BCKDHB: variants seen among roughly 807,000 people sequenced by gnomAD.
BCKDHB encodes 2-oxoisovalerate dehydrogenase subunit beta, mitochondrial.
A neutral mutation model predicts 48.5 loss-of-function variants in BCKDHB; 41 were observed. The observed-to-expected ratio is 0.85, with a 90% confidence interval of 0.66 to 1.10. The LOEUF is 1.10. Ranked by LOEUF, BCKDHB falls within the 50% of genes least tolerant of loss-of-function variation. The pLI, the probability that BCKDHB is intolerant of heterozygous loss-of-function variation, is 0.00. For synonymous variants in BCKDHB, 201 were observed against 174.8 expected (o/e 1.15, Z -1.18); for missense variants, 496 against 494.2 (o/e 1.00, Z -0.03).
intron 1 of BCKDHB, among the ~76,000 whole-genome samples, chr6:80,119,028 G>A (rs747036577): frequency 2.6e-5 from 4 of 152,200 alleles, no homozygotes; most frequent in East Asian, 1.9e-4. Flanking sequence ...GGTGGCTCAC[G>A]CGTGTAGTCC....
At chr6:80,184,144 A>G (rs1006177074) in intron 6 of BCKDHB, among the ~76,000 whole-genome samples, 1 of 152,252 alleles carries the variant, frequency 6.6e-6, no homozygotes, top group Admixed American at 6.5e-5. Flanking sequence ...TTAGATGCAT[A>G]TTATTTAGGA....
At chr6:80,364,544 C>G in the BCKDHB span, among the ~76,000 whole-genome samples, 1 of 152,172 alleles carries the variant, frequency 6.6e-6, no homozygotes, top group Non-Finnish European at 1.5e-5. Context: ...ATAAGTAAAA[C>G]GTATTCATTA....
intron 8 of BCKDHB, among the ~76,000 whole-genome samples, chr6:80,241,305 T>A (rs1477416057): frequency 2.6e-5 from 4 of 152,210 alleles, no homozygotes; most frequent in African/African-American, 9.6e-5. Flanking sequence ...GGTGAGGAGC[T>A]GCGATCCTTT....
At chr6:80,358,464 G>T in the BCKDHB span, among the ~76,000 whole-genome samples, 3 of 151,912 alleles carry the variant, frequency 2.0e-5, no homozygotes, top group Non-Finnish European at 4.4e-5. Context: ...GGTGATTGTC[G>T]ATTGTTTTTA....
the BCKDHB span, among the ~76,000 whole-genome samples, chr6:80,464,696 G>A: frequency 6.6e-6 from 1 of 152,080 alleles, no homozygotes; most frequent in Non-Finnish European, 1.5e-5. Flanking sequence ...TTTCACCTCA[G>A]AAGAAAGGCC....
At chr6:80,366,682 C>G in the BCKDHB span, among the ~76,000 whole-genome samples, 2 of 152,214 alleles carry the variant, frequency 1.3e-5, no homozygotes, top group African/African-American at 2.4e-5. Flanking sequence ...GCCAGTTCCT[C>G]TATCCATCCA....
chr6:80,319,327 T>A (rs1307201564), intron 9 of BCKDHB, among the ~76,000 whole-genome samples: 1 of 152,230 alleles, frequency 6.6e-6, no homozygotes, highest in Non-Finnish European at 1.5e-5. Flanking sequence ...CCATTAGTAG[T>A]ACCCAACTTG....
intron 8 of BCKDHB, among the ~76,000 whole-genome samples, chr6:80,232,224 G>A (rs1418013537): frequency 6.6e-6 from 1 of 151,268 alleles, no homozygotes; most frequent in Admixed American, 6.6e-5. Context: ...ACTGTCACCT[G>A]TCACTTCCCT....
At chr6:80,182,570 T>C (rs573330075) in intron 6 of BCKDHB, among the ~76,000 whole-genome samples, 1 of 152,192 alleles carries the variant, frequency 6.6e-6, no homozygotes, top group South Asian at 2.1e-4. Flanking sequence ...CACAGAACTA[T>C]ATAGCATAAT....
At chr6:80,407,015 C>A in the BCKDHB span, among the ~76,000 whole-genome samples, 1 of 152,176 alleles carries the variant, frequency 6.6e-6, no homozygotes, top group Non-Finnish European at 1.5e-5. Flanking sequence ...TTTAATCCAT[C>A]TTGAGTTAAT....
chr6:80,323,628 C>G (rs1768862634), intron 9 of BCKDHB, among the ~76,000 whole-genome samples: 1 of 152,176 alleles, frequency 6.6e-6, no homozygotes, highest in South Asian at 2.1e-4. Context: ...CCCTAACATA[C>G]ACTTTCTCAT....
the BCKDHB span, among the ~76,000 whole-genome samples, chr6:80,378,491 G>A: frequency 2.6e-5 from 4 of 152,070 alleles, no homozygotes; most frequent in East Asian, 1.9e-4. Context: ...TAAAGAAAAC[G>A]TGGTAGGTAT....
intron 8 of BCKDHB, among the ~76,000 whole-genome samples, chr6:80,237,451 T>C (rs1458298164): frequency 6.6e-6 from 1 of 152,212 alleles, no homozygotes; most frequent in African/African-American, 2.4e-5. Flanking sequence ...TTATGATCAT[T>C]AATACCAGTG....
Position 80,169,026 on chromosome 6 carries a change from T to A in BCKDHB, c.629T>A (p.Ile210Asn). The A allele has an allele frequency of 6.2e-7, 1 of 1,613,968 alleles. No homozygotes were observed. Among genetic ancestry groups the A allele is most frequent in the Non-Finnish European group, 8.5e-7 (1 of 1,179,832 alleles). The change falls in exon 5 of 10, where the codon ATC (isoleucine) becomes AAC (asparagine). Residue 210 changes from isoleucine to asparagine, a missense_variant. By Grantham distance (149) the Ile-to-Asn change is moderately radical. Transcript: ENST00000320393. Reference protein sequence around the residue: ...PEAFFAHCPGIKVVIPRSPFQ... With the variant: ...PEAFFAHCPGNKVVIPRSPFQ... ...GCATTTTTTGCCCATTGCCCAGGAA[T>A]CAAGGTATGTTCATTTATGTACTTT...
At position 80,345,996 on chromosome 6, in the gene BCKDHB, A is replaced by G. The variant is rs1562244153; in HGVS notation, c.*2192A>G. 6.6e-6 allele frequency: 1 copy of G among 152,250 alleles called. No individual in the cohort carries two copies. Among genetic ancestry groups the G allele is most frequent in the Non-Finnish European group, 1.5e-5 (1 of 68,042 alleles). The allele number at this position is 152,250 out of a possible 1,614,324, so 9.4% of individuals were successfully genotyped here. On this transcript the variant is annotated 3_prime_UTR_variant, in exon 10 of 10. Coordinates refer to ENST00000320393, the MANE Select transcript of BCKDHB (RefSeq NM_183050.4). ...ACAGAAAAGCTGGAAGATTATGACTAGATATGGAAATATTTTTTCTGAATT... is the reference window on the plus strand; with the variant it reads ...ACAGAAAAGCTGGAAGATTATGACTGGATATGGAAATATTTTTTCTGAATT...
the BCKDHB span, among the ~76,000 whole-genome samples, chr6:80,376,907 A>G: frequency 6.6e-6 from 1 of 152,218 alleles, no homozygotes; most frequent in South Asian, 2.1e-4. Flanking sequence ...TGTCTTTTCA[A>G]TATTGAGTTG....
At chr6:80,296,206 G>A (rs1767236305) in intron 9 of BCKDHB, among the ~76,000 whole-genome samples, 1 of 152,050 alleles carries the variant, frequency 6.6e-6, no homozygotes, top group Non-Finnish European at 1.5e-5. Flanking sequence ...CTGCATTTAA[G>A]TGCACCTGTC....
chr6:80,245,271 T>C (rs1459843677), intron 8 of BCKDHB, among the ~76,000 whole-genome samples: 1 of 151,684 alleles, frequency 6.6e-6, no homozygotes, highest in Non-Finnish European at 1.5e-5. Context: ...ATAATACCAA[T>C]AACATGTTTA....
the BCKDHB span, among the ~76,000 whole-genome samples, chr6:80,406,291 T>C: frequency 6.6e-6 from 1 of 152,244 alleles, no homozygotes; most frequent in Non-Finnish European, 1.5e-5. Flanking sequence ...AACATATGTG[T>C]GCATGTGTCT....
Sources: gnomAD v4.1 joint callset for allele counts (sites outside exome capture counted in the v4.1 genomes callset) on GRCh38, gnomAD v4.1.1 for gene constraint, MANE v1.5 for transcripts, NCBI Gene and HGNC (gene_info 2026-07-23, HGNC 2026-07-21) for gene names.